Variants in SSBP3 observed in about 807,000 individuals in gnomAD.
SSBP3 encodes the protein single-stranded DNA-binding protein 3.
In SSBP3, 5 loss-of-function variants were observed where a neutral mutation model predicts 69.6. The ratio of observed to expected loss-of-function variants is 0.07; its 90% CI spans 0.04 to 0.15. The LOEUF is 0.15. SSBP3 is among the 10% of genes least tolerant of loss of function. The pLI, the probability that SSBP3 is intolerant of heterozygous loss-of-function variation, is 1.00. For synonymous variants in SSBP3, 196 were observed against 193.4 expected, an observed-to-expected ratio of 1.01 and a Z score of -0.11; for missense variants, 312 against 534.0, an observed-to-expected ratio of 0.58 and a Z score of 4.10.
In SSBP3 at chr1:54,390,552, G is replaced by A. The variant is rs142302202; in HGVS notation, c.276+11309C>T. The stretch of plus-strand genomic sequence containing the variant: ...AGTTTTCTGCAATTCCCTATTCCAC[G>A]CATTAGCTCGCTGACAGAAATTCAC... On this transcript the variant is annotated intron_variant, in intron 4 of 17. Coordinates refer to ENST00000610401, the Ensembl canonical transcript of SSBP3. 2.5e-3 allele frequency among the ~76,000 whole-genome samples: 383 copies of A among 152,282 alleles called. 3 individuals are homozygous for A. The highest frequency in any genetic ancestry group is 8.9e-3 in the African/African-American group (369 of 41,556).
chr1:54,277,032 T>C (rs1459596938), intron 5 of SSBP3, among the ~76,000 whole-genome samples: 1 of 152,160 alleles, frequency 6.6e-6, no homozygotes, highest in African/African-American at 2.4e-5. Context: ...AGACTATGGT[T>C]GATTCAGTTC....
intron 7 of SSBP3, chr1:54,255,559 G>C (rs1045171526): frequency 6.6e-6 from 1 of 152,120 alleles, no homozygotes; most frequent in Admixed American, 6.5e-5. Context: ...ATCAACTCCA[G>C]CCCAGCTCAC....
intron 4 of SSBP3, among the ~76,000 whole-genome samples, chr1:54,367,865 C>T (rs552466492): frequency 6.6e-6 from 1 of 152,302 alleles, no homozygotes; most frequent in South Asian, 2.1e-4. Flanking sequence ...GGATGTTCAT[C>T]ACATTACTAT....
intron 14 of SSBP3, chr1:54,237,595 G>A (rs1044964463): frequency 1.3e-5 from 2 of 155,678 alleles, no homozygotes; most frequent in Admixed American, 6.3e-5. Context: ...ATCCAGTTGT[G>A]TGTGTCCTTG....
At chr1:54,385,749 A>G (rs754186507) in intron 4 of SSBP3, among the ~76,000 whole-genome samples, 3 of 152,190 alleles carry the variant, frequency 2.0e-5, no homozygotes, top group Non-Finnish European at 4.4e-5. Flanking sequence ...ATCTCAAAGC[A>G]GTACTGCAGG....
In SSBP3 at chr1:54,228,577, C is replaced by T. The variant is rs1644328187; in HGVS notation, c.1007-100G>A. On this transcript the variant is annotated intron_variant, in intron 15 of 17. Coordinates refer to ENST00000610401, the Ensembl canonical transcript of SSBP3. ...CTCGGGCCTCTAAGCCCTTCCATCCCAGTCCCACACTGTGCGGAGGGCTTT... is the reference window on the plus strand; with the variant it reads ...CTCGGGCCTCTAAGCCCTTCCATCCTAGTCCCACACTGTGCGGAGGGCTTT... 4 of 1,548,540 alleles carry T rather than the reference C, an allele frequency of 2.6e-6. No homozygotes were observed. In the South Asian group the frequency reaches 4.7e-5, roughly 18 times the overall value.
At chr1:54,282,766 G>A (rs1645420661) in intron 4 of SSBP3, among the ~76,000 whole-genome samples, 1 of 152,210 alleles carries the variant, frequency 6.6e-6, no homozygotes, top group Admixed American at 6.5e-5. Context: ...TCTACAGGAA[G>A]CCCACCTCCA....
chr1:54,312,197 G>C (rs1254527510), intron 4 of SSBP3, among the ~76,000 whole-genome samples: 2 of 151,948 alleles, frequency 1.3e-5, no homozygotes, highest in Non-Finnish European at 2.9e-5. Flanking sequence ...TGGGAGGCGG[G>C]GGATCAGTGG....
chr1:54,344,914 C>T (rs1224724121), intron 4 of SSBP3, among the ~76,000 whole-genome samples: 1 of 152,208 alleles, frequency 6.6e-6, no homozygotes, highest in African/African-American at 2.4e-5. Context: ...GCAGACAGTG[C>T]CCATTAGTCC....
At chr1:54,341,775 C>T (rs766556278) in intron 4 of SSBP3, among the ~76,000 whole-genome samples, 3 of 150,994 alleles carry the variant, frequency 2.0e-5, no homozygotes, top group Non-Finnish European at 2.9e-5. Flanking sequence ...ACCCAGCCAG[C>T]GGGCCGGACA....
intron 4 of SSBP3, among the ~76,000 whole-genome samples, chr1:54,288,589 G>C (rs537633145): frequency 2.0e-4 from 29 of 142,634 alleles, no homozygotes; most frequent in African/African-American, 7.2e-4. Context: ...GCAGGGGTGG[G>C]GGGGGGGAGG....
At chr1:54,352,511 C>G (rs534374606) in intron 4 of SSBP3, among the ~76,000 whole-genome samples, 1 of 152,276 alleles carries the variant, frequency 6.6e-6, no homozygotes, top group South Asian at 2.1e-4. Flanking sequence ...AGCTTCAAAC[C>G]CCTTCCTCCC....
intron 4 of SSBP3, among the ~76,000 whole-genome samples, chr1:54,319,645 C>A (rs1646177535): frequency 6.6e-6 from 1 of 151,994 alleles, no homozygotes; most frequent in Non-Finnish European, 1.5e-5. Flanking sequence ...CAGACCCTCC[C>A]TGAATTTGTT....
At chr1:54,239,259 A>C (rs1644561005) in intron 13 of SSBP3, 60 bp from the exon 14 acceptor site, 9 of 1,322,722 alleles carry the variant, frequency 6.8e-6, no homozygotes, top group Non-Finnish European at 9.6e-6. Context: ...ATTAAAACAA[A>C]CTCATGGCAC....
At chr1:54,324,505 A>C (rs762160376) in intron 4 of SSBP3, among the ~76,000 whole-genome samples, 1 of 151,984 alleles carries the variant, frequency 6.6e-6, no homozygotes, top group Non-Finnish European at 1.5e-5. Context: ...TAAGACTGAC[A>C]TCCATCCTGG....
At chr1:54,395,922 G>A (rs570602633) in intron 4 of SSBP3, among the ~76,000 whole-genome samples, 2 of 152,292 alleles carry the variant, frequency 1.3e-5, no homozygotes, top group East Asian at 3.9e-4. Context: ...GCCAGGCGCG[G>A]TGGCTCACGC....
At position 54,233,814 on chromosome 1, in the gene SSBP3, C is replaced by T. The variant is rs551995600; in HGVS notation, c.928-4988G>A. On this transcript the variant is annotated intron_variant, in intron 14 of 17. Transcript: ENST00000610401. ...GCCGCCCTGTCCGGGAGGTGAGGGG[C>T]GCCTCTGCCCGGCCACCACCCCGTC... Among the ~76,000 whole-genome samples the T allele has an allele frequency of 3.3e-5, 5 of 152,214 alleles. No individual in the cohort carries two copies. The East Asian group carries it at 9.7e-4, about 30-fold the overall frequency.
chr1:54,411,909 A>AAG (rs1650004375), intron 1 of SSBP3, among the ~76,000 whole-genome samples: 1 of 148,340 alleles, frequency 6.7e-6, no homozygotes, highest in South Asian at 2.1e-4. Flanking sequence ...AAAAAAAAAA[A>AAG]GCAGAAGGCA....
intron 4 of SSBP3, among the ~76,000 whole-genome samples, chr1:54,377,259 C>G (rs1647276232): frequency 6.6e-6 from 1 of 152,244 alleles, no homozygotes; most frequent in East Asian, 1.9e-4. Context: ...GTGCTCCTCC[C>G]TTTCCCCACA....
Sources: allele counts gnomAD v4.1 joint callset (sites outside exome capture counted in the v4.1 genomes callset), GRCh38; gene constraint gnomAD v4.1.1; transcripts MANE v1.5; gene names NCBI Gene and HGNC (gene_info 2026-07-23, HGNC 2026-07-21).